The following RNF39 variants were observed in gnomAD, a reference collection of about 807,000 sequenced individuals.
RNF39 encodes the protein ring finger protein 39.
Under a neutral mutation model 29.2 loss-of-function variants are expected in RNF39, and 25 were observed. The observed-to-expected ratio is 0.86, with a 90% CI of 0.62 to 1.20. RNF39 has a LOEUF of 1.20. RNF39 is among the 50% of genes most tolerant of loss of function. RNF39 has a pLI of 0.00. For synonymous variants in RNF39, 219 were observed against 229.0 expected (o/e 0.96, Z 0.40); for missense variants, 519 against 515.0 (o/e 1.01, Z -0.08).
Position 30,074,687 on chromosome 6 carries a change from CT to C in RNF39, c.363+535del, listed in dbSNP as rs1766266716. ...CTCTTGTCAGTCCCCTCCTCCCCAG[CT>C]TTTTCTCCGCCCCCAACCCACCAGC... On this transcript the variant is annotated intron_variant, in intron 1 of 3. Transcript: ENST00000244360. The surrounding 1 kb of genome is among the most constrained non-coding windows in gnomAD (Gnocchi z 4.1). Among the ~76,000 whole-genome samples the C allele has an allele frequency of 6.6e-6, 1 of 151,802 alleles. No individual in the cohort carries two copies. Among genetic ancestry groups the C allele is most frequent in the Non-Finnish European group, 1.5e-5 (1 of 67,938 alleles).
In RNF39 at chr6:30,072,468, A is replaced by G. The variant is rs1302026929; in HGVS notation, c.478+689T>C. On this transcript the variant is annotated intron_variant, in intron 3 of 3. Transcript: ENST00000244360. This position sits in a 1 kb window ranked among gnomAD's most constrained non-coding sequence, Gnocchi z 4.5. ...CCTTCTTCTTGGGAGTGAGTGAGGA[A>G]AGAAGGGTCAAGGAGATGCTGGGGT... Among the ~76,000 whole-genome samples, 1 of 152,114 alleles carries G rather than the reference A, an allele frequency of 6.6e-6. No individual in the cohort carries two copies. The highest frequency in any genetic ancestry group is 1.9e-4 in the East Asian group (1 of 5,186).
chr6:30,075,380 G>T lies in RNF39; in HGVS notation c.206C>A (p.Pro69Gln). ...AGACCTCAGGCTGCGGCGGGGACACGGCAGGCCGCAGCAGGGACAGGCGGT... is the reference window on the plus strand; with the variant it reads ...AGACCTCAGGCTGCGGCGGGGACACTGCAGGCCGCAGCAGGGACAGGCGGT... The part of the protein sequence containing the change: ...SPTACPCCGL[P>Q]CPRRSLRSNV... The change falls in exon 1 of 4, where the codon CCG (proline) becomes CAG (glutamine). Residue 69 changes from proline to glutamine, a missense_variant. Pro to Gln is a moderately conservative substitution (Grantham distance 76, BLOSUM62 -1). Coordinates refer to ENST00000244360, the MANE Select transcript of RNF39 (RefSeq NM_025236.4). 6.4e-7 allele frequency: 1 copy of T among 1,570,846 alleles called. No individual in the cohort carries two copies.
rs1766345634 is a variant in RNF39 at position 30,075,421 on chromosome 6, G to C, written c.165C>G (p.Gly55=). ...ARRWGTPPAT[G]TEASPTACPC... ...GACAGGCGGTGGGGGAAGCCTCGGT[G>C]CCGGTCGCCGGCGGAGTCCCCCAGC... Residue 55 remains glycine (G), a synonymous_variant, in exon 1 of 4, where the codon GGC becomes GGG. Transcript: ENST00000244360. 6.4e-7 allele frequency: 1 copy of C among 1,554,038 alleles called. No individual in the cohort carries two copies. Among genetic ancestry groups the C allele is most frequent in the Non-Finnish European group, 8.7e-7 (1 of 1,153,054 alleles).
At chr6:30,073,073 C>A (rs939976736) in intron 3 of RNF39, 84 bp downstream of exon 3, 5 of 950,798 alleles carry the variant, frequency 5.3e-6, no homozygotes, top group Non-Finnish European at 8.6e-6. Flanking sequence ...TCAAAAAGGA[C>A]CTGATCACTT....
At position 30,070,898 on chromosome 6, in the gene RNF39, G is replaced by A; in HGVS notation, c.*213C>T. The stretch of plus-strand genomic sequence containing the variant: ...CTGTAGGGGAGAGAAGATTCTGAGA[G>A]CCAGAAGGCAGGAATGGATTTGGTT... On this transcript the variant is annotated 3_prime_UTR_variant, in exon 4 of 4. Transcript: ENST00000244360. 1.4e-6 allele frequency: 1 copy of A among 702,770 alleles called. No homozygotes were observed. The highest frequency in any genetic ancestry group is 2.6e-6 in the Non-Finnish European group (1 of 385,406). 43.5% of individuals were successfully genotyped at this position (702,770 alleles called of 1,614,324 possible). A position where few individuals can be genotyped will look rare whatever the true frequency, so the allele number is the denominator to read the frequency against.
At position 30,070,675 on chromosome 6, in the gene RNF39, A is replaced by C; in HGVS notation, c.*436T>G. ...AGAAACCTCAGTGGACAGGCAGGGT[A>C]GCCCAGTCCTTAGATCTGTGGGGAA... On this transcript the variant is annotated 3_prime_UTR_variant, in exon 4 of 4. Transcript: ENST00000244360. The C allele has an allele frequency of 2.6e-6, 1 of 378,916 alleles. No individual in the cohort carries two copies. The allele number at this position is 378,916 out of a possible 1,614,324, so 23.5% of individuals were successfully genotyped here. A position where few individuals can be genotyped will look rare whatever the true frequency, so the allele number is the denominator to read the frequency against.
chr6:30,071,198 C>A lies in RNF39; in HGVS notation c.972G>T (p.Ala324=), dbSNP rs1444609165. 1 of 1,518,168 alleles carries A rather than the reference C, an allele frequency of 6.6e-7. No homozygotes were observed. The highest frequency in any genetic ancestry group is 8.8e-7 in the Non-Finnish European group (1 of 1,136,256). 94.0% of individuals were successfully genotyped at this position (1,518,168 alleles called of 1,614,324 possible). The change falls in exon 4 of 4, where the codon GCG becomes GCT. Residue 324 remains alanine (A), a synonymous_variant. Transcript: ENST00000244360. The surrounding 1 kb of genome is among the most constrained non-coding windows in gnomAD (Gnocchi z 5.0). ...AGATGCGCTCCCCCAGGGGGCCAGG[C>A]GCCTGGAAGGCGTAAAGCAGGTCGA... The part of the protein sequence containing the change: ...RSLDLLYAFQ[A]PGPLGERIFP...
In RNF39 at chr6:30,071,873, A is replaced by G. The variant is rs1766017529; in HGVS notation, c.479-182T>C. 6.6e-6 allele frequency among the ~76,000 whole-genome samples: 1 copy of G among 152,348 alleles called. No individual in the cohort carries two copies. Among genetic ancestry groups the G allele is most frequent in the Admixed American group, 6.5e-5 (1 of 15,312 alleles). ...GGCATATGAAGAGCAGACCTGGGCAATATCAGACCTTGTACTGATGCACCA... is the reference window on the plus strand; with the variant it reads ...GGCATATGAAGAGCAGACCTGGGCAGTATCAGACCTTGTACTGATGCACCA... On this transcript the variant is annotated intron_variant, in intron 3 of 3. Coordinates refer to ENST00000244360, the MANE Select transcript of RNF39 (RefSeq NM_025236.4). The surrounding 1 kb of genome is among the most constrained non-coding windows in gnomAD (Gnocchi z 5.0).
rs377074918 is a variant in RNF39, at chr6:30,070,747, G to A, written c.*364C>T. On this transcript the variant is annotated 3_prime_UTR_variant, in exon 4 of 4. Transcript: ENST00000244360. ...TAGGAGTGGCAAGAGTGGGAGTCAAGTATTTGACCAGCAGAGCCTCTATGT... is the reference window on the plus strand; with the variant it reads ...TAGGAGTGGCAAGAGTGGGAGTCAAATATTTGACCAGCAGAGCCTCTATGT... 84 of 503,516 alleles carry A rather than the reference G, an allele frequency of 1.7e-4. 2 individuals are homozygous for A. The highest frequency in any genetic ancestry group is 1.5e-3 in the African/African-American group (77 of 52,210). 31.2% of individuals were successfully genotyped at this position (503,516 alleles called of 1,614,324 possible).
chr6:30,071,469 T>C lies in RNF39; in HGVS notation c.701A>G (p.Glu234Gly). 1 of 1,559,600 alleles carries C rather than the reference T, an allele frequency of 6.4e-7. No individual in the cohort carries two copies. The highest frequency in any genetic ancestry group is 8.6e-7 in the Non-Finnish European group (1 of 1,160,756). Residue 234 changes from glutamate (E) to glycine (G), a missense_variant, in exon 4 of 4, where the codon GAG becomes GGG. Glu to Gly is a moderately conservative substitution (Grantham distance 98). Coordinates refer to ENST00000244360, the MANE Select transcript of RNF39 (RefSeq NM_025236.4). This position sits in a 1 kb window ranked among gnomAD's most constrained non-coding sequence, Gnocchi z 5.0. Reference protein sequence around the residue: ...DAASCRDSSGEDADDEESHYA... With the variant: ...DAASCRDSSGGDADDEESHYA... ...GTGGCTCTCCTCGTCGTCCGCATCC[T>C]CCCCAGAAGAGTCTCTGCAGGAGGC...
In RNF39 at chr6:30,070,856, A is replaced by G. The variant is rs1466323064; in HGVS notation, c.*255T>C. ...TAGAATGGTTTGAATGGGAGAAGTC[A>G]GGAAGTACTGTAGTAGCTGTAGGGG... On this transcript the variant is annotated 3_prime_UTR_variant, in exon 4 of 4. Transcript: ENST00000244360. 2 of 690,920 alleles carry G rather than the reference A, an allele frequency of 2.9e-6. No homozygotes were observed. Among genetic ancestry groups the G allele is most frequent in the East Asian group, 2.8e-5 (1 of 36,294 alleles). The allele number at this position is 690,920 out of a possible 1,614,324, so 42.8% of individuals were successfully genotyped here.
At position 30,074,005 on chromosome 6, in the gene RNF39, A is replaced by T. The variant is rs993352699; in HGVS notation, c.364-527T>A. Among the ~76,000 whole-genome samples the T allele has an allele frequency of 1.3e-5, 2 of 152,170 alleles. No homozygotes were observed. Among genetic ancestry groups the T allele is most frequent in the Non-Finnish European group, 2.9e-5 (2 of 68,026 alleles). ...CAATAAAGCTGCTTCCCCTCTTGCA[A>T]TAAAAGCCCAGTGGCATTTATTGGG... is the stretch of plus-strand genomic sequence containing the variant. On this transcript the variant is annotated intron_variant, in intron 1 of 3. Coordinates refer to ENST00000244360, the MANE Select transcript of RNF39 (RefSeq NM_025236.4). The surrounding 1 kb of genome is among the most constrained non-coding windows in gnomAD (Gnocchi z 4.1).
rs1476669389 is a variant in RNF39, at chr6:30,072,675, C to G, written c.478+482G>C. Among the ~76,000 whole-genome samples the G allele has an allele frequency of 6.6e-6, 1 of 152,094 alleles. No homozygotes were observed. ...TGCCCTCCCCCACTCCACACACACA[C>G]ACAAAGATAGGTTGAAGTCCTCCAA... On this transcript the variant is annotated intron_variant, in intron 3 of 3. Coordinates refer to ENST00000244360, the MANE Select transcript of RNF39 (RefSeq NM_025236.4). This position sits in a 1 kb window ranked among gnomAD's most constrained non-coding sequence, Gnocchi z 4.5.
rs769315467 is a variant in RNF39, at chr6:30,071,041, G to A, written c.*70C>T. On this transcript the variant is annotated 3_prime_UTR_variant, in exon 4 of 4. Coordinates refer to ENST00000244360, the MANE Select transcript of RNF39 (RefSeq NM_025236.4). This position sits in a 1 kb window ranked among gnomAD's most constrained non-coding sequence, Gnocchi z 5.0. ...TGTGAATGTGTTCCCAGAAATGAGT[G>A]GGGAATTCCACCCCCAAAAAGCAGC... is the stretch of plus-strand genomic sequence containing the variant. The A allele has an allele frequency of 7.2e-4, 881 of 1,228,708 alleles. 2 individuals carry two copies. The highest frequency in any genetic ancestry group is 9.2e-4 in the Non-Finnish European group (786 of 853,236). The allele number at this position is 1,228,708 out of a possible 1,614,324, so 76.1% of individuals were successfully genotyped here.
intron 2 of RNF39, 54 bp downstream of exon 2, chr6:30,073,402 G>A (rs919904651): frequency 1.2e-5 from 19 of 1,611,546 alleles, no homozygotes; most frequent in South Asian, 6.6e-5. Context: ...CAGTGAGAAC[G>A]TGATGGCTAT....
rs775231867 is a variant in RNF39, at chr6:30,075,753, A to G, written c.-168T>C. ...TCTCCTGGGATTGCCTCTCTCTTCA[A>G]CCAGAGTCTCAGTCTCGTCAAATCT... On this transcript the variant is annotated 5_prime_UTR_variant, in exon 1 of 4. Transcript: ENST00000244360. 1 of 1,614,220 alleles carries G rather than the reference A, an allele frequency of 6.2e-7. No individual in the cohort carries two copies. The highest frequency in any genetic ancestry group is 1.1e-5 in the South Asian group (1 of 91,088).
At position 30,071,099 on chromosome 6, in the gene RNF39, T is replaced by TG; in HGVS notation, c.*11dup. The TG allele has an allele frequency of 6.5e-7, 1 of 1,550,350 alleles. No individual in the cohort carries two copies. Among genetic ancestry groups the TG allele is most frequent in the Non-Finnish European group, 8.7e-7 (1 of 1,146,110 alleles). On this transcript the variant is annotated 3_prime_UTR_variant, in exon 4 of 4. Coordinates refer to ENST00000244360, the MANE Select transcript of RNF39 (RefSeq NM_025236.4). This position sits in a 1 kb window ranked among gnomAD's most constrained non-coding sequence, Gnocchi z 5.0. ...CCAGTGGCCGGGCCAAACTTCTAGT[T>TG]GGAGACGAGACTCAGCTTTCCGCTG...
Sources: gnomAD v4.1 joint callset for allele counts (sites outside exome capture counted in the v4.1 genomes callset) on GRCh38, gnomAD v4.1.1 for gene constraint, Gnocchi (gnomAD v3.1) non-coding constraint, MANE v1.5 for transcripts, NCBI Gene and HGNC (gene_info 2026-07-23, HGNC 2026-07-21) for gene names.